SOX6: variants seen among roughly 807,000 people sequenced by gnomAD.
The protein encoded by SOX6 is SRY-box transcription factor 6, also known as transcription factor SOX-6.
In SOX6, 11 loss-of-function variants were observed where a neutral mutation model predicts 97.8. That is an observed-to-expected ratio of 0.11 (90% CI 0.07 to 0.19). The LOEUF is 0.19. Among genes scored for constraint, SOX6 ranks in the 10% least tolerant of loss-of-function variants. SOX6 has a pLI of 1.00. For missense variants in SOX6, 810 were observed against 1,039.5 expected (o/e 0.78, Z 3.04); for synonymous variants, 360 against 371.4 (o/e 0.97, Z 0.35).
At chr11:16,148,656 C>T (rs1183162176) in intron 6 of SOX6, among the ~76,000 whole-genome samples, 1 of 152,204 alleles carries the variant, frequency 6.6e-6, no homozygotes, top group Non-Finnish European at 1.5e-5. Context: ...CCTAAGAAAA[C>T]ATGGGCCCCT....
At chr11:16,362,020 T>A (rs1857221832) in intron 1 of SOX6, among the ~76,000 whole-genome samples, 1 of 152,224 alleles carries the variant, frequency 6.6e-6, no homozygotes, top group Admixed American at 6.5e-5. Flanking sequence ...CTCTACAGAA[T>A]CAGCCTCTAC....
At chr11:16,598,059 T>C (rs1014716116) in intron 4 of SOX6, among the ~76,000 whole-genome samples, 14 of 152,098 alleles carry the variant, frequency 9.2e-5, no homozygotes, top group African/African-American at 3.4e-4. Flanking sequence ...CAGATCCAGA[T>C]AACTGTAAGT....
intron 15 of SOX6, among the ~76,000 whole-genome samples, chr11:15,978,929 T>C (rs1853579175): frequency 7.2e-6 from 1 of 138,740 alleles, no homozygotes; most frequent in Non-Finnish European, 1.6e-5. Context: ...ATATATTATA[T>C]ATTATATATA....
At chr11:16,249,322 C>G (rs1853439428) in intron 3 of SOX6, among the ~76,000 whole-genome samples, 1 of 152,138 alleles carries the variant, frequency 6.6e-6, no homozygotes, top group Non-Finnish European at 1.5e-5. Context: ...GAAAGTTCCA[C>G]AAATCTCTAG....
intron 4 of SOX6, among the ~76,000 whole-genome samples, chr11:16,488,048 C>T (rs957875014): frequency 1.3e-5 from 2 of 152,142 alleles, no homozygotes; most frequent in African/African-American, 4.8e-5. Flanking sequence ...ATTTTTCAAG[C>T]ATTTCTAAAT....
chr11:16,009,986 A>G (rs957484280), intron 13 of SOX6, among the ~76,000 whole-genome samples: 2 of 152,026 alleles, frequency 1.3e-5, no homozygotes, highest in African/African-American at 4.8e-5. Flanking sequence ...AGGATTTTTA[A>G]GAGAGGGCAT....
intron 4 of SOX6, among the ~76,000 whole-genome samples, chr11:16,494,066 T>C (rs1860554844): frequency 6.6e-6 from 1 of 152,174 alleles, no homozygotes; most frequent in African/African-American, 2.4e-5. Flanking sequence ...GACACTGGAA[T>C]ATAATGTAGT....
At chr11:16,279,815 C>A (rs1300846458) in intron 3 of SOX6, among the ~76,000 whole-genome samples, 1 of 151,980 alleles carries the variant, frequency 6.6e-6, no homozygotes, top group African/African-American at 2.4e-5. Context: ...AACAAAAGTG[C>A]CAGCTTAGTT....
At chr11:16,373,708 T>A (rs1175625955) in intron 1 of SOX6, among the ~76,000 whole-genome samples, 3 of 148,652 alleles carry the variant, frequency 2.0e-5, no homozygotes, top group African/African-American at 7.5e-5. Context: ...AGAATAAAAG[T>A]AAACAACAAA....
intron 3 of SOX6, among the ~76,000 whole-genome samples, chr11:16,287,093 T>C (rs757649036): frequency 6.6e-6 from 1 of 152,030 alleles, no homozygotes; most frequent in Non-Finnish European, 1.5e-5. Flanking sequence ...TTAACATAGT[T>C]ATGTAGATGA....
At chr11:16,176,330 G>T (rs1306794652) in intron 6 of SOX6, among the ~76,000 whole-genome samples, 1 of 151,786 alleles carries the variant, frequency 6.6e-6, no homozygotes, top group Non-Finnish European at 1.5e-5. Flanking sequence ...TTTTTAACAA[G>T]ATTCCAAGTG....
chr11:16,352,374 G>A (rs1456865708), intron 1 of SOX6, among the ~76,000 whole-genome samples: 1 of 151,970 alleles, frequency 6.6e-6, no homozygotes, highest in Non-Finnish European at 1.5e-5. Context: ...GAAAGTACCA[G>A]GCAGGCACTG....
intron 12 of SOX6, among the ~76,000 whole-genome samples, chr11:16,018,695 A>G (rs1481635250): frequency 2.6e-5 from 4 of 152,176 alleles, no homozygotes; most frequent in Non-Finnish European, 5.9e-5. Context: ...TGTGTTATTT[A>G]TACGTTCCCA....
intron 4 of SOX6, among the ~76,000 whole-genome samples, chr11:16,603,773 T>C (rs1168185041): frequency 6.6e-6 from 1 of 152,074 alleles, no homozygotes; most frequent in Non-Finnish European, 1.5e-5. Context: ...TTACCAATAG[T>C]TGAACAGCCG....
chr11:16,730,734 ATAAC>A (rs1307856998), intron 2 of SOX6, among the ~76,000 whole-genome samples: 1 of 152,180 alleles, frequency 6.6e-6, no homozygotes, highest in Admixed American at 6.5e-5. Flanking sequence ...AAGACAAGAA[ATAAC>A]TAAGATGAGA....
At chr11:16,289,147 T>C (rs1201781472) in intron 3 of SOX6, among the ~76,000 whole-genome samples, 3 of 151,994 alleles carry the variant, frequency 2.0e-5, no homozygotes, top group East Asian at 1.9e-4. Context: ...TAGCTATTTG[T>C]ATAGTTAAAA....
At chr11:16,028,359 C>A (rs1229492827) in intron 12 of SOX6, among the ~76,000 whole-genome samples, 2 of 152,162 alleles carry the variant, frequency 1.3e-5, no homozygotes, top group Non-Finnish European at 2.9e-5. Flanking sequence ...ATCCACAAAG[C>A]TTTCAGGGAA....
At chr11:16,050,545 A>G (rs1009701606) in intron 10 of SOX6, among the ~76,000 whole-genome samples, 2 of 152,282 alleles carry the variant, frequency 1.3e-5, no homozygotes, top group African/African-American at 4.8e-5. Context: ...TTTTGCAAAG[A>G]CCAAGGATAG....
intron 6 of SOX6, among the ~76,000 whole-genome samples, chr11:16,123,515 G>A (rs1357864168): frequency 6.6e-6 from 1 of 152,010 alleles, no homozygotes; most frequent in African/African-American, 2.4e-5. Context: ...AGATACCAAG[G>A]AAAGGCATAA....
Sources: allele counts gnomAD v4.1 joint callset (sites outside exome capture counted in the v4.1 genomes callset), GRCh38; gene constraint gnomAD v4.1.1; transcripts MANE v1.5; gene names NCBI Gene and HGNC (gene_info 2026-07-23, HGNC 2026-07-21).